The following CCDC3 variants were observed in gnomAD, a reference collection of about 807,000 sequenced individuals.
CCDC3 encodes coiled-coil domain containing 3.
CCDC3 carries 24 observed loss-of-function variants against 21.4 expected under a neutral mutation model. The observed-to-expected ratio is 1.12, with a 90% CI of 0.81 to 1.58. The LOEUF (loss-of-function observed/expected upper bound fraction) is 1.58. Among genes scored for constraint, CCDC3 ranks in the 40% most tolerant of loss-of-function variants. The pLI, the probability that CCDC3 is intolerant of heterozygous loss-of-function variation, is 0.00. For synonymous variants in CCDC3, 186 were observed against 166.0 expected (o/e 1.12, Z -0.93); for missense variants, 425 against 360.9 (o/e 1.18, Z -1.44).
intron 4 of CCDC3, among the ~76,000 whole-genome samples, chr10:13,071,331 A>AT (rs1564339330): frequency 6.6e-6 from 1 of 152,150 alleles, no homozygotes; most frequent in Non-Finnish European, 1.5e-5. Context: ...CCCAAATTCA[A>AT]TTCCAAACTT....
At chr10:12,951,981 T>C (rs1835015789) in intron 2 of CCDC3, among the ~76,000 whole-genome samples, 1 of 152,150 alleles carries the variant, frequency 6.6e-6, no homozygotes. Context: ...CTGTACCATG[T>C]CTAGTACAAC....
At chr10:12,937,108 CTT>C (rs61592955) in intron 2 of CCDC3, among the ~76,000 whole-genome samples, 3 of 148,902 alleles carry the variant, frequency 2.0e-5, no homozygotes, top group Non-Finnish European at 1.5e-5. Flanking sequence ...TCCCTGTGGA[CTT>C]TTTTTTTTTT....
intron 2 of CCDC3, among the ~76,000 whole-genome samples, chr10:12,958,647 T>C (rs762829184): frequency 1.3e-5 from 2 of 152,188 alleles, no homozygotes; most frequent in African/African-American, 4.8e-5. Context: ...TCTATTGTTC[T>C]ACATAGCTGA....
chr10:13,042,828 G>A (rs1336469519), intron 5 of CCDC3, among the ~76,000 whole-genome samples: 9 of 149,824 alleles, frequency 6.0e-5, no homozygotes, highest in African/African-American at 1.7e-4. Context: ...AGAATGGCGC[G>A]AACCTGGGAG....
In CCDC3 at chr10:13,088,034, G is replaced by A. The variant is rs777206472; in HGVS notation, c.-503+10491C>T. Among the ~76,000 whole-genome samples the A allele has an allele frequency of 3.9e-5, 6 of 152,278 alleles. 1 individual carries two copies. The highest frequency in any genetic ancestry group is 4.1e-4 in the South Asian group (2 of 4,826). ...AAAGGAGTTACTTCCTTGGGAAGACGCAGCTTCACACCAAAGTGCATGACT... is the reference window on the plus strand; with the variant it reads ...AAAGGAGTTACTTCCTTGGGAAGACACAGCTTCACACCAAAGTGCATGACT... On this transcript the variant is annotated intron_variant, in intron 3 of 6. Coordinates refer to the CCDC3 transcript ENST00000378839.
rs78944865 is a variant in CCDC3 at position 12,979,949 on chromosome 10, T to C, written c.549+18389A>G. Among the ~76,000 whole-genome samples the C allele has an allele frequency of 1.5e-4, 23 of 152,276 alleles. No individual in the cohort carries two copies. The East Asian group carries it at 3.7e-3, about 24-fold the overall frequency. Reference sequence around the variant, plus strand: ...ACTGATAGCCTTAATAGTTTAATCATTGAAATGATGATTATTGCATTTAAG... The same window carrying C: ...ACTGATAGCCTTAATAGTTTAATCACTGAAATGATGATTATTGCATTTAAG... On this transcript the variant is annotated intron_variant, in intron 2 of 2. Transcript: ENST00000378825.
chr10:12,932,234 A>G (rs1270166841), intron 2 of CCDC3, among the ~76,000 whole-genome samples: 1 of 152,182 alleles, frequency 6.6e-6, no homozygotes, highest in African/African-American at 2.4e-5. Context: ...CTTGTAAGTA[A>G]TGTTTCTTGA....
In CCDC3 at chr10:12,910,032, C is replaced by G. The variant is rs937171563; in HGVS notation, c.550-11353G>C. Among the ~76,000 whole-genome samples the G allele has an allele frequency of 2.6e-5, 4 of 152,224 alleles. No homozygotes were observed. In the East Asian group the frequency reaches 7.7e-4, roughly 29 times the overall value. On this transcript the variant is annotated intron_variant, in intron 2 of 2. Coordinates refer to ENST00000378825, the MANE Select transcript of CCDC3 (RefSeq NM_031455.4). ...GCGATGGGAATTTATGAGCTGTGAT[C>G]ATGTTCATGTTTACTTCTCAGAGAC...
chr10:12,943,604 C>T (rs184858649), intron 2 of CCDC3, among the ~76,000 whole-genome samples: 15 of 152,160 alleles, frequency 9.9e-5, no homozygotes, highest in East Asian at 1.9e-4. Context: ...GGCAACATGG[C>T]GCTGCCCAGG....
At chr10:12,951,443 G>A (rs1198076999) in intron 2 of CCDC3, among the ~76,000 whole-genome samples, 1 of 152,196 alleles carries the variant, frequency 6.6e-6, no homozygotes, top group Non-Finnish European at 1.5e-5. Flanking sequence ...AGTGGGCTGT[G>A]AAATCCATCC....
intron 4 of CCDC3, among the ~76,000 whole-genome samples, chr10:13,050,949 G>A (rs1836598581): frequency 1.3e-5 from 2 of 151,904 alleles, no homozygotes; most frequent in South Asian, 4.2e-4. Context: ...ACCACACCCG[G>A]CTAATTTAAA....
intron 5 of CCDC3, among the ~76,000 whole-genome samples, chr10:13,014,467 A>AAT (rs1836025658): frequency 2.0e-5 from 1 of 50,496 alleles, no homozygotes; most frequent in Admixed American, 2.9e-4. Context: ...AGAAAAAAAA[A>AAT]AAAGAAAAAA....
At chr10:13,094,504 C>A (rs1832610234) in intron 3 of CCDC3, among the ~76,000 whole-genome samples, 1 of 152,094 alleles carries the variant, frequency 6.6e-6, no homozygotes, top group Non-Finnish European at 1.5e-5. Flanking sequence ...ACCCGCCCAC[C>A]TCAGCCACCC....
rs547255173 is a variant in CCDC3, at chr10:13,069,595, T to G, written c.-270+4273A>C. Among the ~76,000 whole-genome samples, 1,426 of 152,322 alleles carry G rather than the reference T, an allele frequency of 9.4e-3. 20 individuals carry two copies. Among genetic ancestry groups the G allele is most frequent in the African/African-American group, 0.032 (1,333 of 41,568 alleles). ...AAAATTGTCTTTCCTGATGCCTGGC[T>G]TTTTGGATGCTACAGAGGGCCCCTG... On this transcript the variant is annotated intron_variant, in intron 4 of 6. Transcript: ENST00000378839.
intron 4 of CCDC3, among the ~76,000 whole-genome samples, chr10:13,071,892 T>A (rs551757712): frequency 6.6e-6 from 1 of 152,228 alleles, no homozygotes; most frequent in South Asian, 2.1e-4. Flanking sequence ...CAGTGATATA[T>A]AATGGTGTCT....
intron 2 of CCDC3, among the ~76,000 whole-genome samples, chr10:12,957,377 C>T (rs1438263515): frequency 6.6e-6 from 1 of 152,240 alleles, no homozygotes; most frequent in African/African-American, 2.4e-5. Flanking sequence ...CCAACCGTAA[C>T]TCGTGTCTGA....
chr10:12,964,780 C>T (rs1241242185), intron 2 of CCDC3, among the ~76,000 whole-genome samples: 4 of 152,220 alleles, frequency 2.6e-5, no homozygotes, highest in Non-Finnish European at 2.9e-5. Context: ...CCTACAGTCA[C>T]ACCACTGGTA....
At position 12,912,514 on chromosome 10, in the gene CCDC3, C is replaced by G. The variant is rs185620402; in HGVS notation, c.550-13835G>C. ...GTGTTTGGTTTCTTTTGGTTATTAA[C>G]CCCTTATCAGATGTGTGGTGTGTAA... On this transcript the variant is annotated intron_variant, in intron 2 of 2. Coordinates refer to ENST00000378825, the MANE Select transcript of CCDC3 (RefSeq NM_031455.4). 2.2e-3 allele frequency among the ~76,000 whole-genome samples: 333 copies of G among 152,218 alleles called. 2 individuals are homozygous for G. The highest frequency in any genetic ancestry group is 3.9e-3 in the Non-Finnish European group (264 of 68,008).
At chr10:12,898,775 A>G in intron 2 of CCDC3, 96 bp from the exon 3 acceptor site, 1 of 1,426,186 alleles carries the variant, frequency 7.0e-7, no homozygotes, top group East Asian at 2.4e-5. Flanking sequence ...TGCTGACAGC[A>G]ACACAGACCC....
Sources: gnomAD v4.1 joint callset for allele counts (sites outside exome capture counted in the v4.1 genomes callset) on GRCh38, gnomAD v4.1.1 for gene constraint, MANE v1.5 for transcripts, NCBI Gene and HGNC (gene_info 2026-07-23, HGNC 2026-07-21) for gene names.